ARMC2: variants seen among roughly 807,000 people sequenced by gnomAD.
ARMC2 encodes armadillo repeat-containing protein 2.
Under a neutral mutation model 90.3 loss-of-function variants are expected in ARMC2, and 67 were observed. That is an observed-to-expected ratio of 0.74 (90% CI 0.61 to 0.91). The LOEUF is 0.91. Ranked by LOEUF, ARMC2 falls within the 40% of genes least tolerant of loss-of-function variation. ARMC2 has a pLI of 0.00. For missense variants in ARMC2, 920 were observed against 1,030.9 expected (o/e 0.89, Z 1.47); for synonymous variants, 393 against 393.0 (o/e 1.00, Z 0.00).
In ARMC2 at chr6:108,924,524, G is replaced by A. The variant is rs1012725918; in HGVS notation, c.1351-3564G>A. 4.6e-5 allele frequency among the ~76,000 whole-genome samples: 7 copies of A among 152,102 alleles called. No homozygotes were observed. In the South Asian group the frequency reaches 6.2e-4, roughly 14 times the overall value. ...GAAAAAAATGAGCAGGAGATGGCCC[G>A]GGGGAGAAGGGGTGGCAAAGTGTAA... On this transcript the variant is annotated intron_variant, in intron 10 of 17. Transcript: ENST00000392644.
chr6:108,895,882 G>A (rs1004560834), intron 6 of ARMC2, among the ~76,000 whole-genome samples: 1 of 152,100 alleles, frequency 6.6e-6, no homozygotes, highest in African/African-American at 2.4e-5. Flanking sequence ...TATCTGTAAT[G>A]TTTCATTTCT....
the ARMC2 span, chr6:109,000,482 A>T: frequency 6.6e-7 from 1 of 1,520,726 alleles, no homozygotes. Flanking sequence ...ATATTACCCC[A>T]CTGCTTACCT....
intron 3 of ARMC2, among the ~76,000 whole-genome samples, chr6:108,862,758 T>A (rs1009197683): frequency 1.3e-5 from 2 of 152,136 alleles, no homozygotes; most frequent in South Asian, 4.1e-4. Context: ...AAAGAGTTTG[T>A]GAGGACCTAA....
chr6:108,971,151 G>A (rs1163155137), intron 17 of ARMC2, among the ~76,000 whole-genome samples: 1 of 150,674 alleles, frequency 6.6e-6, no homozygotes. Flanking sequence ...TTGAATCTGG[G>A]ACATGAAGGT....
In ARMC2 at chr6:108,885,221, C is replaced by T. The variant is rs543986193; in HGVS notation, c.671+8871C>T. Among the ~76,000 whole-genome samples the T allele has an allele frequency of 1.4e-3, 139 of 98,628 alleles. 1 individual carries two copies. Among genetic ancestry groups the T allele is most frequent in the African/African-American group, 4.4e-3 (129 of 29,450 alleles). 64.7% of individuals were successfully genotyped at this position (98,628 alleles called of 152,430 possible). On this transcript the variant is annotated intron_variant, in intron 5 of 17. Coordinates refer to ENST00000392644, the MANE Select transcript of ARMC2 (RefSeq NM_032131.6). ...CAGTTAGTGATTATTAAAAAAGGTGCCAAGGGGTGTGTGTGTGTGTGTGTG... is the reference window on the plus strand; with the variant it reads ...CAGTTAGTGATTATTAAAAAAGGTGTCAAGGGGTGTGTGTGTGTGTGTGTG...
In ARMC2 at chr6:108,954,620, T is replaced by A. The variant is rs1250412839; in HGVS notation, c.1915+1269T>A. Among the ~76,000 whole-genome samples the A allele has an allele frequency of 2.0e-5, 3 of 152,078 alleles. No individual in the cohort carries two copies. The East Asian group carries it at 5.8e-4, about 29-fold the overall frequency. On this transcript the variant is annotated intron_variant, in intron 13 of 17. Transcript: ENST00000392644. ...GCCTAGGTGACACAGTGAGACTCTGTCTCCAGAAAAAAAATTAGCTACTAC... is the reference window on the plus strand; with the variant it reads ...GCCTAGGTGACACAGTGAGACTCTGACTCCAGAAAAAAAATTAGCTACTAC...
chr6:108,991,066 C>CAAA, the ARMC2 span, among the ~76,000 whole-genome samples: 1,142 of 141,556 alleles, frequency 8.1e-3, 13 homozygotes, highest in African/African-American at 0.029. Context: ...AGTCTCATCT[C>CAAA]AAAAAAAAAC....
At chr6:108,977,834 C>T (rs572850081), downstream of ARMC2, among the ~76,000 whole-genome samples, 30 of 152,210 alleles carry the variant, frequency 2.0e-4, no homozygotes, top group Admixed American at 4.6e-4. Flanking sequence ...TCTGTAGGAT[C>T]GGTGGTGATA....
chr6:108,891,636 C>G (rs1174476832), intron 5 of ARMC2, among the ~76,000 whole-genome samples: 1 of 152,064 alleles, frequency 6.6e-6, no homozygotes, highest in East Asian at 1.9e-4. Context: ...TTTGTAGATT[C>G]TGGATATTAG....
At chr6:109,000,953 A>G in the ARMC2 span, among the ~76,000 whole-genome samples, 5 of 152,170 alleles carry the variant, frequency 3.3e-5, no homozygotes, top group African/African-American at 1.2e-4. Context: ...AGAAACTTCA[A>G]TTAAGGTGCC....
chr6:109,046,561 G>A, the ARMC2 span, among the ~76,000 whole-genome samples: 1 of 145,032 alleles, frequency 6.9e-6, no homozygotes, highest in Admixed American at 6.8e-5. Flanking sequence ...GGGATGTGAG[G>A]AGCCCCTCTG....
At chr6:108,945,421 C>A (rs895495703) in intron 12 of ARMC2, among the ~76,000 whole-genome samples, 1 of 152,198 alleles carries the variant, frequency 6.6e-6, no homozygotes, top group Non-Finnish European at 1.5e-5. Flanking sequence ...AGGTCATGAT[C>A]AAAAAGAACA....
At chr6:108,926,010 A>C (rs975817255) in intron 10 of ARMC2, among the ~76,000 whole-genome samples, 32 of 152,294 alleles carry the variant, frequency 2.1e-4, no homozygotes, top group African/African-American at 6.7e-4. Flanking sequence ...AGGCCTGAGA[A>C]GGAGAAAAAA....
intron 5 of ARMC2, among the ~76,000 whole-genome samples, chr6:108,878,689 C>T (rs1347763551): frequency 6.6e-6 from 1 of 152,132 alleles, no homozygotes; most frequent in African/African-American, 2.4e-5. Context: ...CAAAAGAGAA[C>T]ACACTGTCAA....
chr6:108,866,460 G>C (rs538548272), intron 3 of ARMC2, among the ~76,000 whole-genome samples: 1 of 152,186 alleles, frequency 6.6e-6, no homozygotes, highest in African/African-American at 2.4e-5. Flanking sequence ...ACAAGCCTGC[G>C]TCAGAGGCTA....
chr6:108,984,163 G>A, the ARMC2 span, among the ~76,000 whole-genome samples: 3 of 152,130 alleles, frequency 2.0e-5, no homozygotes, highest in Admixed American at 6.5e-5. Context: ...CCACTGCACC[G>A]TCCACCCTGG....
At chr6:108,993,498 AGT>A in the ARMC2 span, among the ~76,000 whole-genome samples, 1 of 152,218 alleles carries the variant, frequency 6.6e-6, no homozygotes, top group African/African-American at 2.4e-5. Context: ...AAGAAAAAAA[AGT>A]GAACATCCAA....
chr6:109,031,133 G>A, the ARMC2 span, among the ~76,000 whole-genome samples: 1 of 152,180 alleles, frequency 6.6e-6, no homozygotes, highest in Non-Finnish European at 1.5e-5. Flanking sequence ...TGACATAGAA[G>A]AGAGAATAAA....
chr6:109,040,684 GCT>G, the ARMC2 span, among the ~76,000 whole-genome samples: 1 of 145,990 alleles, frequency 6.8e-6, no homozygotes, highest in Non-Finnish European at 1.5e-5. Flanking sequence ...AGACAGTCTC[GCT>G]CTGTCGCCCA....
Sources: allele counts gnomAD v4.1 joint callset (sites outside exome capture counted in the v4.1 genomes callset), GRCh38; gene constraint gnomAD v4.1.1; transcripts MANE v1.5; gene names NCBI Gene and HGNC (gene_info 2026-07-23, HGNC 2026-07-21).